The following NBEA variants were observed in gnomAD, a reference collection of about 807,000 sequenced individuals.
NBEA encodes lysosomal-trafficking regulator 2.
Under a neutral mutation model 343.4 loss-of-function variants are expected in NBEA, and 44 were observed. The observed-to-expected ratio is 0.13, with a 90% CI of 0.10 to 0.16. The LOEUF (loss-of-function observed/expected upper bound fraction) is 0.16. Ranked by LOEUF, NBEA falls within the 10% of genes least tolerant of loss-of-function variation. The pLI, the probability that NBEA is intolerant of heterozygous loss-of-function variation, is 1.00. For synonymous variants in NBEA, 1,175 were observed against 1,238.7 expected, an observed-to-expected ratio of 0.95 and a Z score of 1.08; for missense variants, 2,555 against 3,631.3, an observed-to-expected ratio of 0.70 and a Z score of 7.62.
At chr13:35,281,866 C>T (rs1426300788) in intron 34 of NBEA, among the ~76,000 whole-genome samples, 1 of 151,898 alleles carries the variant, frequency 6.6e-6, no homozygotes, top group Admixed American at 6.6e-5. Context: ...TTCGTGTATA[C>T]ACACTATGCT....
chr13:35,391,592 A>T (rs1382389216), intron 38 of NBEA, among the ~76,000 whole-genome samples: 1 of 152,186 alleles, frequency 6.6e-6, no homozygotes, highest in Non-Finnish European at 1.5e-5. Flanking sequence ...AGAATGTTAT[A>T]CATGTGTGTT....
chr13:35,015,932 AAG>A (rs1260820441), intron 1 of NBEA, among the ~76,000 whole-genome samples: 1 of 152,128 alleles, frequency 6.6e-6, no homozygotes, highest in African/African-American at 2.4e-5. Flanking sequence ...TCGGATAAAA[AAG>A]GAATATAGAT....
At chr13:35,579,879 G>A (rs746025126) in intron 45 of NBEA, among the ~76,000 whole-genome samples, 28 of 152,044 alleles carry the variant, frequency 1.8e-4, no homozygotes, top group Non-Finnish European at 3.5e-4. Context: ...CAGGGAAACT[G>A]AGTGATAAGA....
intron 41 of NBEA, chr13:35,476,859 A>C: frequency 1.0e-6 from 1 of 982,226 alleles, no homozygotes; most frequent in Non-Finnish European, 1.2e-6. Context: ...CTGCCGGCGG[A>C]AAACCACTCA....
At chr13:35,636,050 G>A (rs1181668175) in intron 49 of NBEA, among the ~76,000 whole-genome samples, 1 of 152,146 alleles carries the variant, frequency 6.6e-6, no homozygotes, top group African/African-American at 2.4e-5. Flanking sequence ...TTTACTCAAG[G>A]GAAGAAGGGT....
At position 35,162,027 on chromosome 13, in the gene NBEA, T is replaced by G. The variant is rs2069599170; in HGVS notation, c.4079+60T>G. The G allele has an allele frequency of 2.1e-6, 3 of 1,409,976 alleles. No individual in the cohort carries two copies. The Admixed American group carries it at 7.3e-5, about 35-fold the overall frequency. 87.3% of individuals were successfully genotyped at this position (1,409,976 alleles called of 1,614,324 possible). ...ATATTTAAAATATGCCATTGCCTAT[T>G]CTATTTGGTTTTGACAAAACCAAAA... On this transcript the variant is annotated intron_variant, in intron 23 of 58. Coordinates refer to ENST00000379939, the MANE Select transcript of NBEA (RefSeq NM_001385012.1).
chr13:35,663,492 T>G (rs1356499155), intron 55 of NBEA, among the ~76,000 whole-genome samples: 1 of 152,174 alleles, frequency 6.6e-6, no homozygotes, highest in Non-Finnish European at 1.5e-5. Flanking sequence ...TAAATATATC[T>G]CATTTTCTTT....
At chr13:35,586,475 TTAAA>T (rs1488496751) in intron 46 of NBEA, among the ~76,000 whole-genome samples, 1 of 152,140 alleles carries the variant, frequency 6.6e-6, no homozygotes, top group Non-Finnish European at 1.5e-5. Flanking sequence ...AATCTTACTT[TTAAA>T]AATGAACTCT....
rs746740466 is a variant in NBEA, at chr13:35,161,793, G to C, written c.3905G>C (p.Arg1302Pro). The C allele has an allele frequency of 3.1e-6, 5 of 1,612,248 alleles. 1 individual carries two copies. In the Middle Eastern group the frequency reaches 6.6e-4, roughly 213 times the overall value. The change falls in exon 23 of 59, where the codon CGA (arginine) becomes CCA (proline). Residue 1302 changes from arginine to proline, a missense_variant. Around this residue, in one of 21 missense-constraint regions of NBEA, gnomAD observed 367 missense variants for 377.5 expected, o/e 0.97. Coordinates refer to ENST00000379939, the MANE Select transcript of NBEA (RefSeq NM_001385012.1). ...RSITQQDRDL[R>P]VDLGFRGMPM... ...ATCACCCAACAAGACCGAGATCTCC[G>C]AGTTGATTTAGGATTTCGAGGAATG... is the stretch of plus-strand genomic sequence containing the variant.
chr13:35,588,847 C>A (rs146028760), intron 46 of NBEA, among the ~76,000 whole-genome samples: 21 of 152,234 alleles, frequency 1.4e-4, no homozygotes, highest in East Asian at 1.2e-3. Context: ...TATATTCAAC[C>A]CTCCTATTCA....
intron 1 of NBEA, among the ~76,000 whole-genome samples, chr13:34,956,885 G>A (rs148420496): frequency 1.3e-4 from 20 of 151,988 alleles, no homozygotes; most frequent in African/African-American, 4.3e-4. Context: ...TCCCAACCTC[G>A]GGTGATCCGC....
At chr13:35,021,085 T>C (rs2061822748) in intron 1 of NBEA, among the ~76,000 whole-genome samples, 1 of 152,210 alleles carries the variant, frequency 6.6e-6, no homozygotes, top group South Asian at 2.1e-4. Flanking sequence ...TAAAGTCTAA[T>C]TTGTCTGATA....
intron 45 of NBEA, among the ~76,000 whole-genome samples, chr13:35,574,380 C>CAAAAAA (rs1313695369): frequency 2.0e-4 from 25 of 124,774 alleles, no homozygotes; most frequent in African/African-American, 5.5e-4. Flanking sequence ...TATACACTAT[C>CAAAAAA]AAAAAAAAAG....
chr13:35,484,268 G>GTATATATA (rs1469143902), intron 41 of NBEA, among the ~76,000 whole-genome samples: 3 of 107,344 alleles, frequency 2.8e-5, no homozygotes, highest in Non-Finnish European at 6.2e-5. Flanking sequence ...GTGTGTGTGT[G>GTATATATA]TGTGTGTATA....
chr13:35,208,952 T>G (rs2073583611), intron 32 of NBEA, 98 bp downstream of exon 32: 2 of 926,762 alleles, frequency 2.2e-6, no homozygotes, highest in Non-Finnish European at 3.1e-6. Flanking sequence ...CCCTAATCAT[T>G]TAAGATTATC....
chr13:35,650,786 T>C (rs898489414), intron 52 of NBEA, among the ~76,000 whole-genome samples: 1 of 152,198 alleles, frequency 6.6e-6, no homozygotes, highest in Admixed American at 6.5e-5. Flanking sequence ...AATGATTTAG[T>C]TGGCCCAGTT....
At chr13:35,649,272 G>C (rs1173629904) in intron 51 of NBEA, among the ~76,000 whole-genome samples, 4 of 152,176 alleles carry the variant, frequency 2.6e-5, no homozygotes, top group Non-Finnish European at 4.4e-5. Context: ...TGTAAAAAAT[G>C]GGAGTCACTA....
chr13:35,612,536 G>A (rs2082569948), intron 48 of NBEA, among the ~76,000 whole-genome samples: 2 of 152,096 alleles, frequency 1.3e-5, no homozygotes, highest in South Asian at 4.1e-4. Context: ...AAAACATTTA[G>A]TGATTCATTA....
intron 1 of NBEA, among the ~76,000 whole-genome samples, chr13:34,987,955 G>C (rs1179636428): frequency 6.6e-6 from 1 of 150,734 alleles, no homozygotes; most frequent in Non-Finnish European, 1.5e-5. Context: ...CCTTTAGCTC[G>C]GAGATGTTTG....
Sources: gnomAD v4.1 joint callset for allele counts (sites outside exome capture counted in the v4.1 genomes callset) on GRCh38, gnomAD v4.1.1 for gene constraint, gnomAD v4.1.1 regional missense constraint, MANE v1.5 for transcripts, NCBI Gene and HGNC (gene_info 2026-07-23, HGNC 2026-07-21) for gene names.